LITAF: variants seen among roughly 807,000 people sequenced by gnomAD.
The protein encoded by LITAF is lipopolysaccharide induced TNF factor.
A neutral mutation model predicts 14.5 loss-of-function variants in LITAF; 9 were observed. The observed-to-expected ratio is 0.62, with a 90% CI of 0.37 to 1.08. The LOEUF (loss-of-function observed/expected upper bound fraction) is 1.08. LITAF is among the 50% of genes least tolerant of loss of function. The probability of loss-of-function intolerance (pLI) is 0.01; values close to 1 mark genes in which losing one functional copy is unlikely to be tolerated. For missense variants in LITAF, 206 were observed against 213.4 expected (o/e 0.97, Z 0.22); for synonymous variants, 98 against 88.2 (o/e 1.11, Z -0.62).
chr16:11,622,585 C>T (rs1163577364), intron 3 of LITAF, among the ~76,000 whole-genome samples: 6 of 152,200 alleles, frequency 3.9e-5, no homozygotes, highest in Admixed American at 6.5e-5. Context: ...AAAACAAAAA[C>T]GGTGTCTCTC....
chr16:11,618,586 T>C (rs1195564297), intron 3 of LITAF, among the ~76,000 whole-genome samples: 1 of 152,162 alleles, frequency 6.6e-6, no homozygotes, highest in Non-Finnish European at 1.5e-5. Context: ...AATAGCAAGA[T>C]AGTTTCTCTC....
upstream of LITAF, among the ~76,000 whole-genome samples, chr16:11,589,814 G>C (rs1349278270): frequency 1.3e-5 from 2 of 151,576 alleles, no homozygotes; most frequent in African/African-American, 4.9e-5. Flanking sequence ...TGTAGAGATA[G>C]GGCTTTGCTA....
At chr16:11,598,904 C>A (rs2064910547), upstream of LITAF, among the ~76,000 whole-genome samples, 1 of 152,060 alleles carries the variant, frequency 6.6e-6, no homozygotes, top group South Asian at 2.1e-4. Context: ...ACTGCAACCT[C>A]CACCTCCCGG....
At chr16:11,568,829 G>A (rs541598298) in intron 1 of LITAF, among the ~76,000 whole-genome samples, 1 of 152,038 alleles carries the variant, frequency 6.6e-6, no homozygotes, top group Non-Finnish European at 1.5e-5. Context: ...ACAGGCATGC[G>A]CCACCAAGCC....
chr16:11,639,427 G>T (rs1250962583), upstream of LITAF, among the ~76,000 whole-genome samples: 13 of 149,586 alleles, frequency 8.7e-5, no homozygotes, highest in Middle Eastern at 3.4e-3. Flanking sequence ...GAAGGAGGGA[G>T]GGATGGATGG....
Position 11,553,752 on chromosome 16 carries a change from C to A in LITAF, c.221-63G>T, listed in dbSNP as rs774136320. ...GAAACAAGGCCAATAGCATTCACTACAGGACAAAGAGAGGAACGCAGGGAT... is the reference window on the plus strand; with the variant it reads ...GAAACAAGGCCAATAGCATTCACTAAAGGACAAAGAGAGGAACGCAGGGAT... On this transcript the variant is annotated intron_variant, in intron 2 of 3. Coordinates refer to ENST00000622633, the MANE Select transcript of LITAF (RefSeq NM_001136472.2). The surrounding 1 kb of genome is among the most constrained non-coding windows in gnomAD (Gnocchi z 7.7). 6.3e-7 allele frequency: 1 copy of A among 1,580,890 alleles called. No individual in the cohort carries two copies. The highest frequency in any genetic ancestry group is 2.2e-5 in the East Asian group (1 of 44,700).
At chr16:11,576,146 G>A (rs999459385) in intron 1 of LITAF, among the ~76,000 whole-genome samples, 3 of 151,764 alleles carry the variant, frequency 2.0e-5, no homozygotes, top group Non-Finnish European at 4.4e-5. Flanking sequence ...ACAGGCATAA[G>A]CCACTGCACT....
At chr16:11,567,560 A>G (rs1439349579) in intron 1 of LITAF, among the ~76,000 whole-genome samples, 1 of 152,184 alleles carries the variant, frequency 6.6e-6, no homozygotes, top group African/African-American at 2.4e-5. Context: ...AAACCTCAAG[A>G]CTGGTTGGTT....
intron 1 of LITAF, among the ~76,000 whole-genome samples, chr16:11,582,984 C>A (rs1481200769): frequency 6.6e-6 from 1 of 152,064 alleles, no homozygotes; most frequent in African/African-American, 2.4e-5. Flanking sequence ...TGAAAATGTT[C>A]AAGGTGAATG....
At chr16:11,552,251 C>T (rs2064192622) in intron 3 of LITAF, among the ~76,000 whole-genome samples, 1 of 152,140 alleles carries the variant, frequency 6.6e-6, no homozygotes, top group Non-Finnish European at 1.5e-5. Context: ...CTCACGTGGC[C>T]AGGTATAAGG....
intron 1 of LITAF, among the ~76,000 whole-genome samples, chr16:11,569,277 A>G (rs113812895): frequency 2.6e-5 from 4 of 151,924 alleles, no homozygotes; most frequent in African/African-American, 9.7e-5. Flanking sequence ...ATCTCACTCT[A>G]TTGCACAGGC....
intron 1 of LITAF, among the ~76,000 whole-genome samples, chr16:11,569,031 C>G (rs1196427287): frequency 2.0e-5 from 3 of 152,068 alleles, no homozygotes; most frequent in Admixed American, 1.3e-4. Flanking sequence ...TGACCCCATC[C>G]CTCTCTGGTG....
At chr16:11,572,470 A>C (rs2064559651) in intron 1 of LITAF, among the ~76,000 whole-genome samples, 1 of 149,156 alleles carries the variant, frequency 6.7e-6, no homozygotes, top group African/African-American at 2.6e-5. Context: ...ACCAGCGAGA[A>C]GTCACATGAC....
At chr16:11,552,492 C>T (rs1164585019) in intron 3 of LITAF, among the ~76,000 whole-genome samples, 1 of 152,196 alleles carries the variant, frequency 6.6e-6, no homozygotes, top group East Asian at 1.9e-4. Flanking sequence ...TTTAAAGCTT[C>T]CCTCGGGCTC....
chr16:11,613,670 G>A lies in LITAF; in HGVS notation c.85+19863C>T, dbSNP rs552518222. 2.6e-5 allele frequency among the ~76,000 whole-genome samples: 4 copies of A among 152,344 alleles called. 1 individual carries two copies. In the South Asian group the frequency reaches 8.3e-4, roughly 32 times the overall value. On this transcript the variant is annotated intron_variant, in intron 3 of 3. Coordinates refer to the LITAF transcript ENST00000574848. Reference sequence around the variant, plus strand: ...GTTGAAGGCTAAGCCAGAGTTAGGTGGGAGAGGAGCAGGAAAGGTGTCCTT... The same window carrying A: ...GTTGAAGGCTAAGCCAGAGTTAGGTAGGAGAGGAGCAGGAAAGGTGTCCTT...
intron 2 of LITAF, chr16:11,633,717 C>T (rs1345878873): frequency 6.6e-6 from 1 of 152,132 alleles, no homozygotes; most frequent in Non-Finnish European, 1.5e-5. Flanking sequence ...TAAAAATGGG[C>T]GACCAGCAGT....
At chr16:11,587,298 C>G (rs544350913), upstream of LITAF, 29 of 441,266 alleles carry the variant, frequency 6.6e-5, no homozygotes, top group African/African-American at 5.4e-4. Flanking sequence ...TCCCCCCTCC[C>G]CGCGCCGCTC....
rs747791767 is a variant in LITAF, at chr16:11,548,086, T to G, written c.*1551A>C. The G allele has an allele frequency of 8.8e-6, 4 of 454,120 alleles. No individual in the cohort carries two copies. Among genetic ancestry groups the G allele is most frequent in the South Asian group, 6.2e-5 (4 of 64,482 alleles). 28.1% of individuals were successfully genotyped at this position (454,120 alleles called of 1,614,324 possible). A position where few individuals can be genotyped will look rare whatever the true frequency, so the allele number is the denominator to read the frequency against. ...CCATATTCGTTGCAAAAATGATAATTACTGGAATTTTCCAAACATCAAATG... is the reference window on the plus strand; with the variant it reads ...CCATATTCGTTGCAAAAATGATAATGACTGGAATTTTCCAAACATCAAATG... On this transcript the variant is annotated 3_prime_UTR_variant, in exon 4 of 4. Transcript: ENST00000622633.
At chr16:11,582,227 A>T (rs1367002181) in intron 1 of LITAF, among the ~76,000 whole-genome samples, 2 of 152,058 alleles carry the variant, frequency 1.3e-5, no homozygotes, top group African/African-American at 2.4e-5. Flanking sequence ...ATTATGTGTC[A>T]ACTAAAAATA....
Sources: gnomAD v4.1 joint callset for allele counts (sites outside exome capture counted in the v4.1 genomes callset) on GRCh38, gnomAD v4.1.1 for gene constraint, Gnocchi (gnomAD v3.1) non-coding constraint, MANE v1.5 for transcripts, NCBI Gene and HGNC (gene_info 2026-07-23, HGNC 2026-07-21) for gene names.